The following PCNX1 variants were observed in gnomAD, a reference collection of about 807,000 sequenced individuals.
PCNX1 encodes pecanex 1, also known as pecanex-like protein 1.
PCNX1 carries 78 observed loss-of-function variants against 242.2 expected under a neutral mutation model. The ratio of observed to expected loss-of-function variants is 0.32; its 90% CI spans 0.27 to 0.39. The LOEUF (loss-of-function observed/expected upper bound fraction) is 0.39, where lower values mean the gene tolerates loss of function less well. PCNX1 is among the 10% of genes least tolerant of loss of function. The pLI, the probability that PCNX1 is intolerant of heterozygous loss-of-function variation, is 1.00. For synonymous variants in PCNX1, 1,024 were observed against 1,032.9 expected (o/e 0.99, Z 0.17); for missense variants, 2,581 against 2,856.5 (o/e 0.90, Z 2.20).
Position 71,112,379 on chromosome 14 carries a change from T to TTAAC in PCNX1, c.*2445_*2448dup, listed in dbSNP as rs1437034152. The TTAAC allele has an allele frequency of 1.3e-5, 2 of 152,104 alleles. No individual in the cohort carries two copies. The highest frequency in any genetic ancestry group is 4.8e-5 in the African/African-American group (2 of 41,454). The allele number at this position is 152,104 out of a possible 1,614,324, so 9.4% of individuals were successfully genotyped here. The stretch of plus-strand genomic sequence containing the variant: ...TTTTCTCAAAACAAGTTGAATTTTG[T>TTAAC]TAACATATATAATTCTTTAGTGAAT... On this transcript the variant is annotated 3_prime_UTR_variant, in exon 36 of 36. Coordinates refer to ENST00000304743, the MANE Select transcript of PCNX1 (RefSeq NM_014982.3).
At chr14:71,054,846 C>T (rs1457962224) in intron 24 of PCNX1, among the ~76,000 whole-genome samples, 1 of 152,118 alleles carries the variant, frequency 6.6e-6, no homozygotes, top group Non-Finnish European at 1.5e-5. Context: ...TCATTAGGGA[C>T]ATTTTTTTGT....
intron 11 of PCNX1, among the ~76,000 whole-genome samples, chr14:71,014,344 A>G (rs73295506): frequency 0.035 from 5,348 of 152,310 alleles, 295 homozygotes; most frequent in African/African-American, 0.12. Flanking sequence ...GTTAAGATTC[A>G]CAATGTCTAG....
At chr14:71,090,104 A>C (rs2062091341) in intron 30 of PCNX1, among the ~76,000 whole-genome samples, 1 of 152,220 alleles carries the variant, frequency 6.6e-6, no homozygotes, top group South Asian at 2.1e-4. Flanking sequence ...GGAATGTTAC[A>C]AGTGCTGCTG....
At chr14:71,036,757 T>C (rs2060548163) in intron 19 of PCNX1, among the ~76,000 whole-genome samples, 1 of 152,206 alleles carries the variant, frequency 6.6e-6, no homozygotes, top group Non-Finnish European at 1.5e-5. Flanking sequence ...TTAATATTTG[T>C]CCGTAGTGCT....
At chr14:70,978,836 T>C (rs1184600315) in intron 6 of PCNX1, among the ~76,000 whole-genome samples, 188 bp downstream of exon 6, 1 of 152,192 alleles carries the variant, frequency 6.6e-6, no homozygotes, top group Non-Finnish European at 1.5e-5. Context: ...ACCAAGAACA[T>C]ATTTTTTGGT....
At chr14:71,103,268 A>G in intron 31 of PCNX1, 127 bp from the exon 32 acceptor site, 4 of 1,055,184 alleles carry the variant, frequency 3.8e-6, no homozygotes, top group Non-Finnish European at 5.6e-6. Context: ...ACCTACTTAT[A>G]TTTGTTCCCC....
rs1256197958 is a variant in PCNX1 at position 71,112,514 on chromosome 14, G to C, written c.*2579G>C. The stretch of plus-strand genomic sequence containing the variant: ...TTCTAGTAATTGCATCAGGGAATTG[G>C]TGATAATTGAAGAAAGATCCATTTC... On this transcript the variant is annotated 3_prime_UTR_variant, in exon 36 of 36. Transcript: ENST00000304743. 6.6e-6 allele frequency: 1 copy of C among 151,974 alleles called. No individual in the cohort carries two copies. The highest frequency in any genetic ancestry group is 1.9e-4 in the East Asian group (1 of 5,202). The allele number at this position is 151,974 out of a possible 1,614,324, so 9.4% of individuals were successfully genotyped here.
At chr14:71,099,836 G>T (rs909797333) in intron 30 of PCNX1, among the ~76,000 whole-genome samples, 11 of 152,066 alleles carry the variant, frequency 7.2e-5, no homozygotes, top group African/African-American at 2.4e-4. Flanking sequence ...ATGACCTTTT[G>T]TTTCCATTTT....
Position 70,989,061 on chromosome 14 carries a change from A to G in PCNX1, c.2444+362A>G, listed in dbSNP as rs543866524. Among the ~76,000 whole-genome samples, 20 of 152,238 alleles carry G rather than the reference A, an allele frequency of 1.3e-4. No homozygotes were observed. In the East Asian group the frequency reaches 3.9e-3, roughly 29 times the overall value. ...CAATATTTTGACAGTATTTAATATA[A>G]TATGAACAAATACAAACTGAGTGGT... On this transcript the variant is annotated intron_variant, in intron 7 of 35. Coordinates refer to ENST00000304743, the MANE Select transcript of PCNX1 (RefSeq NM_014982.3).
At chr14:70,912,435 C>G (rs1046738613) in intron 1 of PCNX1, among the ~76,000 whole-genome samples, 1 of 151,902 alleles carries the variant, frequency 6.6e-6, no homozygotes, top group African/African-American at 2.4e-5. Context: ...GATCAATATT[C>G]CTAACTACCA....
intron 26 of PCNX1, among the ~76,000 whole-genome samples, chr14:71,067,918 TAAA>T (rs1044590739): frequency 6.6e-6 from 1 of 151,768 alleles, no homozygotes; most frequent in African/African-American, 2.4e-5. Flanking sequence ...GTTTCACAAT[TAAA>T]AAAAAGGCTT....
At chr14:71,105,578 T>C in intron 33 of PCNX1, 138 bp downstream of exon 33, 1 of 624,748 alleles carries the variant, frequency 1.6e-6, no homozygotes, top group Non-Finnish European at 2.7e-6. Context: ...TGAGATGGAG[T>C]CTTGCTCTGG....
intron 30 of PCNX1, among the ~76,000 whole-genome samples, chr14:71,091,273 G>A (rs542268812): frequency 3.3e-5 from 5 of 152,252 alleles, no homozygotes; most frequent in African/African-American, 4.8e-5. Context: ...GGAAAATCTA[G>A]GTGTGTAAAT....
intron 20 of PCNX1, among the ~76,000 whole-genome samples, chr14:71,046,492 C>G (rs1382796159): frequency 6.6e-6 from 1 of 151,792 alleles, no homozygotes; most frequent in African/African-American, 2.4e-5. Flanking sequence ...ATGCTATTTT[C>G]AGATAGCCAA....
In PCNX1 at chr14:71,103,456, G is replaced by A. The variant is rs1162809392; in HGVS notation, c.5882G>A (p.Arg1961His). The change falls in exon 32 of 36, where the codon CGT becomes CAT. Residue 1961 changes from arginine (R) to histidine (H), a missense_variant. Coordinates refer to ENST00000304743, the MANE Select transcript of PCNX1 (RefSeq NM_014982.3). Reference sequence around the variant, plus strand: ...CAACAGCAGGAGCTTGTTTTTCTACGTAACCGTAACCCAGAGAGAGGTAGC... The same window carrying A: ...CAACAGCAGGAGCTTGTTTTTCTACATAACCGTAACCCAGAGAGAGGTAGC... The part of the protein sequence containing the change: ...AGQQQELVFL[R>H]NRNPERGSIQ... 3.1e-6 allele frequency: 5 copies of A among 1,614,010 alleles called. No individual in the cohort carries two copies. Among genetic ancestry groups the A allele is most frequent in the Non-Finnish European group, 4.2e-6 (5 of 1,180,022 alleles).
chr14:70,949,112 GTA>G (rs1325390898), intron 2 of PCNX1, among the ~76,000 whole-genome samples: 3 of 138,348 alleles, frequency 2.2e-5, no homozygotes, highest in South Asian at 2.4e-4. Context: ...ATGTATATAC[GTA>G]TATGTGTATA....
chr14:71,090,809 A>G (rs552836274), intron 30 of PCNX1, among the ~76,000 whole-genome samples: 75 of 152,348 alleles, frequency 4.9e-4, no homozygotes, highest in Admixed American at 1.6e-3. Context: ...CAGATATTTT[A>G]TCTCAGCTTG....
rs1223914443 is a variant in PCNX1 at position 71,110,955 on chromosome 14, G to GAAGT, written c.*1021_*1024dup. 5.2e-5 allele frequency: 8 copies of GAAGT among 152,616 alleles called. No individual in the cohort carries two copies. Among genetic ancestry groups the GAAGT allele is most frequent in the African/African-American group, 1.9e-4 (8 of 41,446 alleles). The allele number at this position is 152,616 out of a possible 1,614,324, so 9.5% of individuals were successfully genotyped here. A position where few individuals can be genotyped will look rare whatever the true frequency, so the allele number is the denominator to read the frequency against. On this transcript the variant is annotated 3_prime_UTR_variant, in exon 36 of 36. Transcript: ENST00000304743. The stretch of plus-strand genomic sequence containing the variant: ...TTTTATTTATGAGTTTCTAGCTCTT[G>GAAGT]AAGTTATTCACATGCAGTTCAGTTA...
At chr14:70,964,104 T>C (rs1244075664) in intron 3 of PCNX1, among the ~76,000 whole-genome samples, 2 of 152,216 alleles carry the variant, frequency 1.3e-5, no homozygotes, top group Non-Finnish European at 2.9e-5. Context: ...TCTTGCTCTG[T>C]CATCCAGGCT....
Sources: gnomAD v4.1 joint callset for allele counts (sites outside exome capture counted in the v4.1 genomes callset) on GRCh38, gnomAD v4.1.1 for gene constraint, MANE v1.5 for transcripts, NCBI Gene and HGNC (gene_info 2026-07-23, HGNC 2026-07-21) for gene names.